Variants in MSN observed in about 807,000 individuals in gnomAD.
The protein encoded by MSN is moesin.
A neutral mutation model predicts 48.0 loss-of-function variants in MSN; 2 were observed. The observed-to-expected ratio is 0.04, with a 90% confidence interval of 0.02 to 0.13. The LOEUF (loss-of-function observed/expected upper bound fraction) is 0.13. Among genes scored for constraint, MSN ranks in the 10% least tolerant of loss-of-function variants. The pLI is 1.00. For synonymous variants in MSN, 146 were observed against 166.9 expected (o/e 0.87, Z 0.97); for missense variants, 267 against 470.1 (o/e 0.57, Z 3.99).
At chrX:65,607,915 G>A (rs1332764197) in intron 1 of MSN, among the ~76,000 whole-genome samples, 1 of 111,614 alleles carries the variant, frequency 9.0e-6, no homozygotes, top group Non-Finnish European at 1.9e-5. Flanking sequence ...TTGAGCCCAA[G>A]TGATCTGCCC....
In MSN at chrX:65,674,591, T is replaced by C. The variant is rs141149288; in HGVS notation, c.12+6738T>C. 4.6e-3 allele frequency among the ~76,000 whole-genome samples: 520 copies of C among 112,257 alleles called. 5 individuals are homozygous for C. The highest frequency in any genetic ancestry group is 0.016 in the African/African-American group (500 of 30,884). On this transcript the variant is annotated intron_variant, in intron 1 of 12. Transcript: ENST00000360270. ...CCTGTTTAATTTTGAGCTCTGACCT[T>C]TTTGAATTCTGAATTCTGACTCAGC...
chrX:65,588,824 CCT>C (rs753017991), intron 1 of MSN: 1,090 of 132,690 alleles, frequency 8.2e-3, no homozygotes, highest in East Asian at 0.029. Context: ...GCCCTCTCTC[CCT>C]CTCTCTCTCT....
chrX:65,626,376 G>A (rs770871904), intron 1 of MSN, among the ~76,000 whole-genome samples: 25 of 111,662 alleles, frequency 2.2e-4, no homozygotes, highest in Middle Eastern at 4.6e-3. Context: ...AAAACTGTAC[G>A]TTTGAATATT....
chrX:65,724,589 G>A (rs1297309722), intron 2 of MSN, among the ~76,000 whole-genome samples: 1 of 112,255 alleles, frequency 8.9e-6, no homozygotes, highest in Non-Finnish European at 1.9e-5. Flanking sequence ...CAGTCTTGGA[G>A]TCTCTTAGCC....
intron 1 of MSN, among the ~76,000 whole-genome samples, chrX:65,692,248 G>A (rs978143528): frequency 8.9e-6 from 1 of 112,577 alleles, no homozygotes; most frequent in Non-Finnish European, 1.9e-5. Context: ...TGGGAGTCAG[G>A]TACTTTATGG....
At chrX:65,601,512 G>T (rs1188741147) in intron 1 of MSN, among the ~76,000 whole-genome samples, 2 of 112,906 alleles carry the variant, frequency 1.8e-5, no homozygotes, top group East Asian at 5.6e-4. Context: ...TGGAAAGTGG[G>T]ACAGCGTGTC....
chrX:65,657,434 T>G (rs2070789880), intron 1 of MSN, among the ~76,000 whole-genome samples: 2 of 109,601 alleles, frequency 1.8e-5, no homozygotes, highest in African/African-American at 6.7e-5. Flanking sequence ...ATATGCAGGG[T>G]GACTGGTCAG....
At chrX:65,705,592 C>T (rs2071354200) in intron 1 of MSN, among the ~76,000 whole-genome samples, 1 of 112,259 alleles carries the variant, frequency 8.9e-6, no homozygotes, top group Admixed American at 9.4e-5. Context: ...AACGAAGAAA[C>T]TAACTTGCTA....
At chrX:65,641,799 G>A (rs2070656540) in intron 1 of MSN, among the ~76,000 whole-genome samples, 1 of 106,677 alleles carries the variant, frequency 9.4e-6, no homozygotes, top group African/African-American at 3.4e-5. Context: ...ATATGCCTAA[G>A]GTTATTTATC....
intron 3 of MSN, among the ~76,000 whole-genome samples, chrX:65,728,729 T>C (rs1453839784): frequency 8.9e-6 from 1 of 111,896 alleles, no homozygotes. Context: ...TCTTTCTTGA[T>C]CTTTTACCTC....
intron 1 of MSN, among the ~76,000 whole-genome samples, chrX:65,592,955 C>T (rs1030743032): frequency 2.7e-5 from 3 of 111,027 alleles, no homozygotes; most frequent in Admixed American, 1.9e-4. Context: ...GCAGGAGAAT[C>T]GCTTGAACCC....
At chrX:65,622,965 G>T (rs1247852000) in intron 1 of MSN, among the ~76,000 whole-genome samples, 3 of 111,671 alleles carry the variant, frequency 2.7e-5, no homozygotes, top group African/African-American at 9.8e-5. Context: ...TCATCAAAAG[G>T]TATAGATTTT....
chrX:65,614,351 C>T (rs1352852761), intron 1 of MSN, among the ~76,000 whole-genome samples: 1 of 111,536 alleles, frequency 9.0e-6, no homozygotes, highest in Non-Finnish European at 1.9e-5. Flanking sequence ...CTTGGTTATA[C>T]GGGCTCTTTT....
intron 1 of MSN, among the ~76,000 whole-genome samples, chrX:65,688,116 G>A (rs186496390): frequency 1.4e-3 from 152 of 112,407 alleles, no homozygotes; most frequent in African/African-American, 4.7e-3. Flanking sequence ...CAGTGTCCAA[G>A]TAATGATAAT....
At chrX:65,693,806 C>T (rs1164976404) in intron 1 of MSN, among the ~76,000 whole-genome samples, 2 of 112,090 alleles carry the variant, frequency 1.8e-5, no homozygotes, top group Non-Finnish European at 3.8e-5. Flanking sequence ...GTAATCCCAG[C>T]ACTTTGGGAG....
intron 1 of MSN, among the ~76,000 whole-genome samples, chrX:65,608,927 A>G (rs983031900): frequency 1.8e-5 from 2 of 111,030 alleles, no homozygotes; most frequent in Non-Finnish European, 3.8e-5. Flanking sequence ...GAAATTGCCA[A>G]CACCTGAGAC....
At chrX:65,599,481 A>T (rs2070215002) in intron 1 of MSN, among the ~76,000 whole-genome samples, 1 of 111,024 alleles carries the variant, frequency 9.0e-6, no homozygotes, top group Non-Finnish European at 1.9e-5. Context: ...AAAAATACAA[A>T]AATTAGCTGG....
intron 1 of MSN, among the ~76,000 whole-genome samples, chrX:65,682,550 A>G (rs2071067976): frequency 9.0e-6 from 1 of 111,470 alleles, no homozygotes; most frequent in Admixed American, 9.5e-5. Flanking sequence ...AAGGTCATGT[A>G]TTGAGGCAGA....
chrX:65,644,222 C>T (rs951039684), intron 1 of MSN, among the ~76,000 whole-genome samples: 2 of 111,813 alleles, frequency 1.8e-5, no homozygotes, highest in African/African-American at 6.5e-5. Flanking sequence ...CTGTAACATC[C>T]TTTGTGGTGG....
Sources: gnomAD v4.1 joint callset for allele counts (sites outside exome capture counted in the v4.1 genomes callset) on GRCh38, gnomAD v4.1.1 for gene constraint, MANE v1.5 for transcripts, NCBI Gene and HGNC (gene_info 2026-07-23, HGNC 2026-07-21) for gene names.